The following TMEM117 variants were observed in gnomAD, a reference collection of about 807,000 sequenced individuals.
TMEM117 encodes transmembrane protein 117.
In TMEM117, 27 loss-of-function variants were observed where a neutral mutation model predicts 52.4. The ratio of observed to expected loss-of-function variants is 0.51; its 90% CI spans 0.38 to 0.71. The LOEUF (loss-of-function observed/expected upper bound fraction) is 0.71. Among genes scored for constraint, TMEM117 ranks in the 30% least tolerant of loss-of-function variants. TMEM117 has a pLI of 0.00. For missense variants in TMEM117, 556 were observed against 630.5 expected (o/e 0.88, Z 1.26); for synonymous variants, 215 against 206.3 (o/e 1.04, Z -0.36).
At chr12:44,273,655 G>T (rs1950477053) in intron 5 of TMEM117, among the ~76,000 whole-genome samples, 1 of 152,082 alleles carries the variant, frequency 6.6e-6, no homozygotes, top group South Asian at 2.1e-4. Flanking sequence ...TGCCAGGATG[G>T]TTCAACATAT....
chr12:43,950,976 G>A (rs554445448), intron 3 of TMEM117, among the ~76,000 whole-genome samples: 17 of 152,256 alleles, frequency 1.1e-4, no homozygotes, highest in African/African-American at 3.6e-4. Context: ...GACTGGCTAG[G>A]CAGTGGGTGC....
intron 3 of TMEM117, among the ~76,000 whole-genome samples, chr12:44,055,733 C>T (rs892925821): frequency 3.9e-5 from 6 of 152,114 alleles, no homozygotes; most frequent in Non-Finnish European, 8.8e-5. Context: ...ATATTGAATA[C>T]TATACAGATG....
intron 2 of TMEM117, among the ~76,000 whole-genome samples, chr12:43,928,964 T>C (rs1056527066): frequency 3.9e-5 from 6 of 151,934 alleles, no homozygotes; most frequent in African/African-American, 1.5e-4. Context: ...ATGGTGTATA[T>C]GTGCCACATT....
intron 3 of TMEM117, among the ~76,000 whole-genome samples, chr12:43,962,763 A>G (rs1161308585): frequency 1.3e-5 from 2 of 152,098 alleles, no homozygotes; most frequent in African/African-American, 2.4e-5. Flanking sequence ...TACTAAAAAT[A>G]CGAAAACAAA....
chr12:44,182,866 AC>A (rs148201978), intron 4 of TMEM117, among the ~76,000 whole-genome samples: 22 of 152,326 alleles, frequency 1.4e-4, no homozygotes, highest in Non-Finnish European at 2.8e-4. Flanking sequence ...GTGTAGTTAA[AC>A]AAAAAACGCT....
downstream of TMEM117, among the ~76,000 whole-genome samples, chr12:44,392,359 G>A (rs991153375): frequency 2.6e-5 from 4 of 152,054 alleles, no homozygotes; most frequent in East Asian, 7.7e-4. Flanking sequence ...AAAACTGCAG[G>A]GAGAGAATAG....
At chr12:44,120,646 C>T (rs1473117901) in intron 3 of TMEM117, among the ~76,000 whole-genome samples, 1 of 152,146 alleles carries the variant, frequency 6.6e-6, no homozygotes, top group African/African-American at 2.4e-5. Flanking sequence ...AATTTCCTCC[C>T]TAGATTTGGT....
intron 6 of TMEM117, among the ~76,000 whole-genome samples, chr12:44,324,487 G>C (rs1170878988): frequency 6.6e-6 from 1 of 151,916 alleles, no homozygotes; most frequent in Admixed American, 6.6e-5. Flanking sequence ...TATTTCAGCA[G>C]AATTATGTTG....
intron 3 of TMEM117, among the ~76,000 whole-genome samples, chr12:43,963,219 A>G (rs1259869335): frequency 6.6e-6 from 1 of 151,238 alleles, no homozygotes; most frequent in African/African-American, 2.4e-5. Flanking sequence ...GTATTCTAGT[A>G]TACACTATAT....
the TMEM117 span, among the ~76,000 whole-genome samples, chr12:43,802,720 A>T: frequency 6.6e-6 from 1 of 152,212 alleles, no homozygotes; most frequent in African/African-American, 2.4e-5. Context: ...AAATGATCAT[A>T]ACAGTTGAAC....
chr12:43,846,432 C>T (rs952187611), intron 2 of TMEM117, among the ~76,000 whole-genome samples: 1 of 152,184 alleles, frequency 6.6e-6, no homozygotes, highest in Non-Finnish European at 1.5e-5. Flanking sequence ...CTTTCCTGGT[C>T]TCAAGTTTAA....
At chr12:44,065,108 G>C (rs1009364843) in intron 3 of TMEM117, among the ~76,000 whole-genome samples, 5 of 152,286 alleles carry the variant, frequency 3.3e-5, no homozygotes, top group African/African-American at 9.6e-5. Flanking sequence ...AAACTGGCTG[G>C]GCATGGTGGC....
chr12:44,151,510 TC>T (rs1948725031), intron 4 of TMEM117, among the ~76,000 whole-genome samples: 1 of 89,000 alleles, frequency 1.1e-5, no homozygotes. Context: ...CCCTCCGCCC[TC>T]CCCCCACCCC....
At chr12:44,229,592 C>T (rs1420345588) in intron 5 of TMEM117, among the ~76,000 whole-genome samples, 1 of 152,122 alleles carries the variant, frequency 6.6e-6, no homozygotes, top group Non-Finnish European at 1.5e-5. Context: ...CTCTTTGCCC[C>T]ACTTCTCACC....
intron 5 of TMEM117, chr12:44,248,982 T>G (rs1009381530): frequency 6.6e-6 from 1 of 152,078 alleles, no homozygotes. Flanking sequence ...GTGTGTGGGT[T>G]TATTCATTTT....
intron 5 of TMEM117, among the ~76,000 whole-genome samples, chr12:44,257,191 G>A (rs117116926): frequency 0.025 from 3,856 of 151,726 alleles, 65 homozygotes; most frequent in Middle Eastern, 0.037. Context: ...CACACCCATG[G>A]GAAGAGTTTT....
chr12:43,845,629 G>C (rs920771966), intron 2 of TMEM117, among the ~76,000 whole-genome samples: 9 of 151,620 alleles, frequency 5.9e-5, no homozygotes, highest in African/African-American at 1.9e-4. Flanking sequence ...TGCCATGTTG[G>C]TTTGCTGCAC....
intron 5 of TMEM117, 118 bp downstream of exon 5, chr12:44,211,505 A>G (rs1241827673): frequency 7.8e-6 from 5 of 639,526 alleles, no homozygotes; most frequent in Non-Finnish European, 1.3e-5. Context: ...TTTGGTAGCT[A>G]CTATGCTCCA....
intron 2 of TMEM117, among the ~76,000 whole-genome samples, chr12:43,905,081 T>C (rs1240168134): frequency 6.6e-6 from 1 of 151,708 alleles, no homozygotes; most frequent in Non-Finnish European, 1.5e-5. Flanking sequence ...AGGCGGAGGT[T>C]GCGGTGAGCC....
Sources: gnomAD v4.1 joint callset for allele counts (sites outside exome capture counted in the v4.1 genomes callset) on GRCh38, gnomAD v4.1.1 for gene constraint, MANE v1.5 for transcripts, NCBI Gene and HGNC (gene_info 2026-07-23, HGNC 2026-07-21) for gene names.